The following SLC25A12 variants were observed in gnomAD, a reference collection of about 807,000 sequenced individuals.
SLC25A12 encodes electrogenic aspartate/glutamate antiporter SLC25A12, mitochondrial.
A neutral mutation model predicts 83.3 loss-of-function variants in SLC25A12; 32 were observed. That is an observed-to-expected ratio of 0.38 (90% CI 0.29 to 0.52). The LOEUF is 0.52. Ranked by LOEUF, SLC25A12 falls within the 20% of genes least tolerant of loss-of-function variation. The pLI is 0.84. For synonymous variants in SLC25A12, 267 were observed against 291.1 expected (o/e 0.92, Z 0.84); for missense variants, 611 against 835.6 (o/e 0.73, Z 3.31).
chr2:171,853,740 AG>A (rs1684987827), intron 4 of SLC25A12, among the ~76,000 whole-genome samples: 1 of 152,224 alleles, frequency 6.6e-6, no homozygotes, highest in Non-Finnish European at 1.5e-5. Flanking sequence ...ACATTAAATA[AG>A]GCATATATAA....
At chr2:171,817,863 A>G (rs1473142632) in intron 9 of SLC25A12, among the ~76,000 whole-genome samples, 1 of 152,142 alleles carries the variant, frequency 6.6e-6, no homozygotes, top group Non-Finnish European at 1.5e-5. Context: ...TTTTCTGTAT[A>G]CTTTCTTCCT....
chr2:171,853,209 G>A (rs1684970128), intron 4 of SLC25A12, among the ~76,000 whole-genome samples: 1 of 152,032 alleles, frequency 6.6e-6, no homozygotes, highest in Non-Finnish European at 1.5e-5. Flanking sequence ...TAATATTCCT[G>A]TCTCTAGATT....
At chr2:171,802,019 A>G (rs1683718350) in intron 13 of SLC25A12, among the ~76,000 whole-genome samples, 1 of 152,018 alleles carries the variant, frequency 6.6e-6, no homozygotes, top group African/African-American at 2.4e-5. Flanking sequence ...TACCTATGAG[A>G]ATAACAGGAA....
At chr2:171,799,759 G>GA (rs1683671701) in intron 13 of SLC25A12, among the ~76,000 whole-genome samples, 1 of 152,174 alleles carries the variant, frequency 6.6e-6, no homozygotes, top group South Asian at 2.1e-4. Flanking sequence ...ACTCATTTGA[G>GA]AGCACTATGC....
In SLC25A12 at chr2:171,858,482, A is replaced by C. The variant is rs551144606; in HGVS notation, c.210-2533T>G. Among the ~76,000 whole-genome samples, 121 of 152,346 alleles carry C rather than the reference A, an allele frequency of 7.9e-4. No homozygotes were observed. The Middle Eastern group carries it at 0.01, about 13-fold the overall frequency. On this transcript the variant is annotated intron_variant, in intron 3 of 17. Coordinates refer to ENST00000422440, the MANE Select transcript of SLC25A12 (RefSeq NM_003705.5). ...TACAGAATACGTAGCTTTAAAACAA[A>C]TTTCATGCTCAGTAGTAAAACCTTC...
chr2:171,887,422 T>C (rs1219059013), intron 2 of SLC25A12, among the ~76,000 whole-genome samples: 2 of 152,234 alleles, frequency 1.3e-5, no homozygotes, highest in Non-Finnish European at 2.9e-5. Flanking sequence ...TTAACATATA[T>C]TGCCTTTACT....
chr2:171,882,794 G>C (rs1685723532), intron 2 of SLC25A12, among the ~76,000 whole-genome samples: 1 of 152,140 alleles, frequency 6.6e-6, no homozygotes, highest in South Asian at 2.1e-4. Flanking sequence ...AGAACAGGGA[G>C]GTGGTGATTT....
intron 2 of SLC25A12, among the ~76,000 whole-genome samples, chr2:171,884,581 C>T (rs1379193836): frequency 6.6e-6 from 1 of 150,840 alleles, no homozygotes; most frequent in Non-Finnish European, 1.5e-5. Flanking sequence ...ACCAGCCTGG[C>T]CAACATGATG....
chr2:171,867,434 C>T (rs1382804323), intron 3 of SLC25A12, among the ~76,000 whole-genome samples: 1 of 152,182 alleles, frequency 6.6e-6, no homozygotes, highest in African/African-American at 2.4e-5. Context: ...AGCTGGAGAC[C>T]AGCCCGGCCA....
At chr2:171,812,922 ATCTTT>A (rs1683978088) in intron 11 of SLC25A12, among the ~76,000 whole-genome samples, 1 of 152,046 alleles carries the variant, frequency 6.6e-6, no homozygotes, top group South Asian at 2.1e-4. Context: ...GGGTAAACTC[ATCTTT>A]GAGTGGTAAC....
In SLC25A12 at chr2:171,784,534, A is replaced by C. The variant is rs1055626292; in HGVS notation, c.*740T>G. On this transcript the variant is annotated 3_prime_UTR_variant, in exon 18 of 18. Transcript: ENST00000422440. ...GAGATGTCCCTGTTTCCATATGCAC[A>C]CTGACAGGCGAGGAGCTGCCTAGGA... The C allele has an allele frequency of 6.6e-6, 1 of 152,442 alleles. No individual in the cohort carries two copies. The highest frequency in any genetic ancestry group is 2.4e-5 in the African/African-American group (1 of 41,474). The allele number at this position is 152,442 out of a possible 1,614,324, so 9.4% of individuals were successfully genotyped here.
At chr2:171,892,353 G>C (rs1685959814) in intron 2 of SLC25A12, among the ~76,000 whole-genome samples, 1 of 151,972 alleles carries the variant, frequency 6.6e-6, no homozygotes, top group Non-Finnish European at 1.5e-5. Context: ...AGCCTCCCGA[G>C]TAGCTGGGAC....
At chr2:171,796,226 C>T (rs1306161927) in intron 13 of SLC25A12, among the ~76,000 whole-genome samples, 1 of 152,186 alleles carries the variant, frequency 6.6e-6, no homozygotes, top group African/African-American at 2.4e-5. Flanking sequence ...AGATTACAGG[C>T]GTGAGCCACT....
intron 2 of SLC25A12, among the ~76,000 whole-genome samples, chr2:171,889,745 A>G (rs935518372): frequency 1.3e-5 from 2 of 152,142 alleles, no homozygotes; most frequent in Admixed American, 1.3e-4. Flanking sequence ...CCATTTCAAT[A>G]TCCTACCAGT....
intron 13 of SLC25A12, among the ~76,000 whole-genome samples, chr2:171,800,187 G>A (rs922462796): frequency 6.6e-6 from 1 of 151,912 alleles, no homozygotes; most frequent in African/African-American, 2.4e-5. Context: ...TAATAAACAA[G>A]TCACAAACTG....
At chr2:171,813,913 G>A (rs1167333775) in intron 10 of SLC25A12, among the ~76,000 whole-genome samples, 3 of 152,066 alleles carry the variant, frequency 2.0e-5, no homozygotes, top group Admixed American at 6.6e-5. Flanking sequence ...CGTACACTAG[G>A]TGGCTACGAT....
intron 4 of SLC25A12, among the ~76,000 whole-genome samples, chr2:171,849,558 C>CTTTTTTTTT (rs72304626): frequency 8.7e-6 from 1 of 114,586 alleles, no homozygotes; most frequent in African/African-American, 3.5e-5. Context: ...GTGGTGTGAT[C>CTTTTTTTTT]TTTTTTTTTT....
intron 9 of SLC25A12, among the ~76,000 whole-genome samples, chr2:171,819,848 T>TA (rs1430842160): frequency 6.6e-6 from 1 of 152,108 alleles, no homozygotes; most frequent in Non-Finnish European, 1.5e-5. Context: ...TAAGGAACGC[T>TA]ATACACAAAA....
chr2:171,825,464 G>T (rs1684279777), intron 9 of SLC25A12, among the ~76,000 whole-genome samples: 3 of 152,206 alleles, frequency 2.0e-5, no homozygotes, highest in Admixed American at 6.5e-5. Context: ...CACATTTGGT[G>T]AAGGTGAACA....
Sources: gnomAD v4.1 joint callset for allele counts (sites outside exome capture counted in the v4.1 genomes callset) on GRCh38, gnomAD v4.1.1 for gene constraint, MANE v1.5 for transcripts, NCBI Gene and HGNC (gene_info 2026-07-23, HGNC 2026-07-21) for gene names.